Variants in PABPC4L observed in about 807,000 individuals in gnomAD.
PABPC4L encodes the protein poly(A) binding protein cytoplasmic 4 like.
For synonymous variants in PABPC4L, 169 were observed against 164.1 expected (o/e 1.03, Z -0.23); for missense variants, 452 against 451.4 (o/e 1.00, Z -0.01).
chr4:134,036,554 G>A, the PABPC4L span, among the ~76,000 whole-genome samples: 2 of 152,116 alleles, frequency 1.3e-5, no homozygotes, highest in African/African-American at 2.4e-5. Flanking sequence ...GTAATTTCAG[G>A]AGTATAATTT....
downstream of PABPC4L, among the ~76,000 whole-genome samples, chr4:134,192,433 G>A (rs1729536127): frequency 6.6e-6 from 1 of 152,004 alleles, no homozygotes; most frequent in African/African-American, 2.4e-5. Context: ...GTGAGGTGAT[G>A]GAAATGTCCC....
the PABPC4L span, among the ~76,000 whole-genome samples, chr4:133,971,106 C>CTTTTTTTTTT: frequency 1.6e-5 from 1 of 63,972 alleles, no homozygotes; most frequent in African/African-American, 6.4e-5. Flanking sequence ...ATCTTATATT[C>CTTTTTTTTTT]TTTTTTTTTT....
At chr4:134,154,026 C>T in the PABPC4L span, among the ~76,000 whole-genome samples, 565 of 151,720 alleles carry the variant, frequency 3.7e-3, 5 homozygotes, top group South Asian at 0.011. Flanking sequence ...AAATGAAACG[C>T]GTCCCTAAAG....
chr4:134,200,509 T>G lies in PABPC4L; in HGVS notation c.511A>C (p.Arg171=), dbSNP rs1003951040. The change falls in exon 2 of 2, where the codon AGA becomes CGA. Residue 171 remains arginine, a synonymous_variant. Transcript: ENST00000421491. ...LLKGCKVFVG[R]FKNRKDREAE... is the part of the protein sequence containing the mutation. ...TCACGATCTTTTCGGTTTTTGAATC[T>G]GCCAACAAACACCTTGCAGCCCTTG... 1.9e-6 allele frequency: 3 copies of G among 1,551,560 alleles called. No homozygotes were observed. The highest frequency in any genetic ancestry group is 2.7e-5 in the African/African-American group (2 of 73,048).
At chr4:134,103,141 AT>A in the PABPC4L span, among the ~76,000 whole-genome samples, 1 of 151,584 alleles carries the variant, frequency 6.6e-6, no homozygotes, top group Non-Finnish European at 1.5e-5. Context: ...ATAAATCATG[AT>A]TTATAATTAA....
At chr4:133,975,463 A>T in the PABPC4L span, among the ~76,000 whole-genome samples, 1 of 152,124 alleles carries the variant, frequency 6.6e-6, no homozygotes, top group Non-Finnish European at 1.5e-5. Context: ...TGTGCATTTA[A>T]AAAGGGTGAT....
chr4:134,031,114 T>G, the PABPC4L span, among the ~76,000 whole-genome samples: 3 of 152,076 alleles, frequency 2.0e-5, no homozygotes, highest in Non-Finnish European at 2.9e-5. Flanking sequence ...AGATGTCTAA[T>G]TTCATAACAA....
the PABPC4L span, among the ~76,000 whole-genome samples, chr4:133,964,168 G>A: frequency 6.6e-6 from 1 of 151,870 alleles, no homozygotes; most frequent in African/African-American, 2.4e-5. Flanking sequence ...AAATATAAAG[G>A]ATCATTCAAG....
At chr4:134,101,887 C>T in the PABPC4L span, among the ~76,000 whole-genome samples, 2 of 151,350 alleles carry the variant, frequency 1.3e-5, no homozygotes. Context: ...AAGTTATATA[C>T]AAAATAGCAT....
At chr4:134,150,943 T>C in the PABPC4L span, among the ~76,000 whole-genome samples, 3 of 152,154 alleles carry the variant, frequency 2.0e-5, no homozygotes, top group African/African-American at 4.8e-5. Context: ...CGAAACATGA[T>C]ACAGCCATGA....
the PABPC4L span, among the ~76,000 whole-genome samples, chr4:134,125,643 T>C: frequency 6.6e-6 from 1 of 152,118 alleles, no homozygotes; most frequent in Non-Finnish European, 1.5e-5. Flanking sequence ...CCAAAATATG[T>C]TTATTAAAAT....
the PABPC4L span, among the ~76,000 whole-genome samples, chr4:133,968,594 C>T: frequency 1.4e-4 from 21 of 151,538 alleles, no homozygotes; most frequent in African/African-American, 5.1e-4. Context: ...GTTGTGAATA[C>T]AAAAAACAAA....
At chr4:134,191,852 C>A (rs1729519785), downstream of PABPC4L, among the ~76,000 whole-genome samples, 5 of 150,554 alleles carry the variant, frequency 3.3e-5, 1 homozygote, top group South Asian at 8.4e-4. Flanking sequence ...CCAAAGCAAG[C>A]AAAAATAAAT....
the PABPC4L span, among the ~76,000 whole-genome samples, chr4:133,980,901 T>TGGG: frequency 6.6e-6 from 1 of 152,248 alleles, no homozygotes; most frequent in Non-Finnish European, 1.5e-5. Flanking sequence ...CTCACGCCTG[T>TGGG]AATCCCAAAA....
At chr4:134,165,565 CA>C in the PABPC4L span, among the ~76,000 whole-genome samples, 2 of 152,014 alleles carry the variant, frequency 1.3e-5, no homozygotes, top group African/African-American at 4.8e-5. Flanking sequence ...TATGGAAATG[CA>C]AATTAAAACC....
At chr4:134,148,277 C>A in the PABPC4L span, among the ~76,000 whole-genome samples, 1 of 152,034 alleles carries the variant, frequency 6.6e-6, no homozygotes, top group Non-Finnish European at 1.5e-5. Flanking sequence ...AAATTAAATT[C>A]ATAGTTTATT....
chr4:134,157,019 T>G, the PABPC4L span, among the ~76,000 whole-genome samples: 1 of 152,008 alleles, frequency 6.6e-6, no homozygotes, highest in Non-Finnish European at 1.5e-5. Context: ...TAATTCAATT[T>G]TTTTTCTAAT....
chr4:134,150,644 C>G, the PABPC4L span, among the ~76,000 whole-genome samples: 1 of 152,114 alleles, frequency 6.6e-6, no homozygotes, highest in Non-Finnish European at 1.5e-5. Flanking sequence ...AATGGCCATG[C>G]TATTTAGGTT....
At chr4:134,057,492 A>C in the PABPC4L span, among the ~76,000 whole-genome samples, 1 of 152,014 alleles carries the variant, frequency 6.6e-6, no homozygotes, top group Non-Finnish European at 1.5e-5. Context: ...TTGATTTGTC[A>C]TGGCCAGTTG....
Sources: gnomAD v4.1 joint callset for allele counts (sites outside exome capture counted in the v4.1 genomes callset) on GRCh38, gnomAD v4.1.1 for gene constraint, MANE v1.5 for transcripts, NCBI Gene and HGNC (gene_info 2026-07-23, HGNC 2026-07-21) for gene names.